Variants in LMNTD1 observed in about 807,000 individuals in gnomAD.
The protein encoded by LMNTD1 is lamin tail domain-containing protein 1.
LMNTD1 carries 35 observed loss-of-function variants against 50.9 expected under a neutral mutation model. The observed-to-expected ratio is 0.69, with a 90% CI of 0.53 to 0.91. The LOEUF is 0.91. LMNTD1 is among the 40% of genes least tolerant of loss of function. The probability of loss-of-function intolerance (pLI) is 0.00; values close to 1 mark genes in which losing one functional copy is unlikely to be tolerated. For synonymous variants in LMNTD1, 153 were observed against 161.9 expected (o/e 0.94, Z 0.42); for missense variants, 470 against 475.5 (o/e 0.99, Z 0.11).
In LMNTD1 at chr12:25,640,629, G is replaced by A. The variant is rs138744227; in HGVS notation, c.58+7865C>T. ...ATTAGTTATCCATGACATTACAATT[G>A]TAATAAAATATCAGCTTATTGAAGA... On this transcript the variant is annotated intron_variant, in intron 1 of 7. Coordinates refer to the LMNTD1 transcript ENST00000445693. Among the ~76,000 whole-genome samples the A allele has an allele frequency of 4.9e-3, 751 of 151,774 alleles. 11 individuals carry two copies. The highest frequency in any genetic ancestry group is 0.044 in the South Asian group (211 of 4,802).
At chr12:25,570,780 C>G (rs548413921) in intron 1 of LMNTD1, among the ~76,000 whole-genome samples, 7 of 152,312 alleles carry the variant, frequency 4.6e-5, no homozygotes, top group Admixed American at 2.6e-4. Flanking sequence ...CTTTTGCTAG[C>G]CCACTCCATT....
chr12:25,527,703 C>T (rs1257690966), intron 4 of LMNTD1, among the ~76,000 whole-genome samples: 40 of 124,100 alleles, frequency 3.2e-4, no homozygotes, highest in African/African-American at 1.2e-3. Context: ...CACACACACA[C>T]ACACACACAC....
At chr12:25,546,205 A>T (rs771645487) in intron 4 of LMNTD1, among the ~76,000 whole-genome samples, 169 bp downstream of exon 4, 9 of 151,642 alleles carry the variant, frequency 5.9e-5, no homozygotes, top group Non-Finnish European at 1.0e-4. Flanking sequence ...TTAGACCATT[A>T]TATCAATTTA....
At chr12:25,539,231 A>T (rs924808104) in intron 4 of LMNTD1, among the ~76,000 whole-genome samples, 4 of 148,442 alleles carry the variant, frequency 2.7e-5, no homozygotes, top group Admixed American at 2.0e-4. Flanking sequence ...GACCTAATAG[A>T]CATCTACAGA....
chr12:25,648,421 T>A, intron 1 of LMNTD1: 1 of 1,175,018 alleles, frequency 8.5e-7, no homozygotes, highest in Non-Finnish European at 1.2e-6. Flanking sequence ...TGTCAGGTGT[T>A]AGTATAAAAA....
intron 9 of LMNTD1, among the ~76,000 whole-genome samples, chr12:25,499,275 T>A (rs1939245630): frequency 6.6e-6 from 1 of 152,112 alleles, no homozygotes; most frequent in South Asian, 2.1e-4. Context: ...AGTTTCACTA[T>A]GTTTCCCAGG....
chr12:25,606,176 T>C (rs1409398808), intron 1 of LMNTD1, among the ~76,000 whole-genome samples: 1 of 152,352 alleles, frequency 6.6e-6, no homozygotes, highest in East Asian at 1.9e-4. Flanking sequence ...TTTTTTCACA[T>C]TGATTTTGTA....
chr12:25,480,580 C>T (rs756948530), intron 9 of LMNTD1, among the ~76,000 whole-genome samples: 1 of 152,194 alleles, frequency 6.6e-6, no homozygotes. Context: ...TTACTTTGTG[C>T]TGCTCTTTCC....
chr12:25,484,043 T>G (rs1938529458), intron 9 of LMNTD1, among the ~76,000 whole-genome samples: 1 of 151,978 alleles, frequency 6.6e-6, no homozygotes, highest in Non-Finnish European at 1.5e-5. Flanking sequence ...CAAGTGTATT[T>G]AAGTCACCCG....
intron 2 of LMNTD1, 53 bp from the exon 3 acceptor site, chr12:25,549,599 G>A: frequency 9.5e-7 from 1 of 1,057,416 alleles, no homozygotes; most frequent in Non-Finnish European, 1.3e-6. Flanking sequence ...AAAAGTGGCT[G>A]TGAATAAAAG....
chr12:25,552,470 G>A (rs2136258264), intron 2 of LMNTD1, among the ~76,000 whole-genome samples: 1 of 151,530 alleles, frequency 6.6e-6, no homozygotes, highest in East Asian at 1.9e-4. Flanking sequence ...GCCGGGCGTG[G>A]TGGCGGGCGC....
At chr12:25,627,884 C>T (rs918960860) in intron 1 of LMNTD1, among the ~76,000 whole-genome samples, 6 of 151,408 alleles carry the variant, frequency 4.0e-5, no homozygotes, top group Admixed American at 1.3e-4. Context: ...CCGAGACGGG[C>T]GGATCACGAG....
At position 25,589,274 on chromosome 12, in the gene LMNTD1, T is replaced by A. The variant is rs141332147; in HGVS notation, c.59-42720A>T. Among the ~76,000 whole-genome samples the A allele has an allele frequency of 8.1e-3, 1,238 of 152,268 alleles. 7 individuals are homozygous for A. The highest frequency in any genetic ancestry group is 0.014 in the Non-Finnish European group (972 of 68,016). The stretch of plus-strand genomic sequence containing the variant: ...CCTACATGAATGAATCTCATAAACA[T>A]GTTAAAGAAAACAAATTATTGGGAA... On this transcript the variant is annotated intron_variant, in intron 1 of 7. Transcript: ENST00000445693.
intron 9 of LMNTD1, among the ~76,000 whole-genome samples, chr12:25,481,023 A>G: frequency 6.6e-6 from 1 of 151,856 alleles, no homozygotes; most frequent in African/African-American, 2.4e-5. Context: ...CTCCTCCCAT[A>G]CTCACTGGTC....
chr12:25,601,713 A>G (rs1233897236), intron 1 of LMNTD1, among the ~76,000 whole-genome samples: 1 of 151,976 alleles, frequency 6.6e-6, no homozygotes, highest in Non-Finnish European at 1.5e-5. Context: ...AAAGAAAATC[A>G]ATACCTAACC....
intron 1 of LMNTD1, among the ~76,000 whole-genome samples, chr12:25,597,324 A>C (rs1300072744): frequency 6.6e-6 from 1 of 152,120 alleles, no homozygotes; most frequent in Non-Finnish European, 1.5e-5. Flanking sequence ...ATTCCATGCC[A>C]ATGGAAACCA....
intron 1 of LMNTD1, among the ~76,000 whole-genome samples, chr12:25,570,189 A>C (rs1944728859): frequency 6.6e-6 from 1 of 152,220 alleles, no homozygotes; most frequent in East Asian, 1.9e-4. Context: ...TGTTTCAGGC[A>C]TGCTCCTTGG....
intron 1 of LMNTD1, among the ~76,000 whole-genome samples, chr12:25,638,817 G>A (rs1946890476): frequency 6.6e-6 from 1 of 152,036 alleles, no homozygotes. Context: ...AAACTGAAGA[G>A]TTTATCTTAA....
At chr12:25,535,918 C>A (rs1323905108) in intron 4 of LMNTD1, among the ~76,000 whole-genome samples, 2 of 152,074 alleles carry the variant, frequency 1.3e-5, no homozygotes, top group African/African-American at 4.8e-5. Context: ...AAAAAGAAAG[C>A]TCCTGTGGCT....
Sources: allele counts gnomAD v4.1 joint callset (sites outside exome capture counted in the v4.1 genomes callset), GRCh38; gene constraint gnomAD v4.1.1; transcripts MANE v1.5; gene names NCBI Gene and HGNC (gene_info 2026-07-23, HGNC 2026-07-21).